Variants in LSAMP observed in about 807,000 individuals in gnomAD.
The protein encoded by LSAMP is limbic system-associated membrane protein.
In LSAMP, 7 loss-of-function variants were observed where a neutral mutation model predicts 38.6. The observed-to-expected ratio is 0.18, with a 90% CI of 0.10 to 0.34. The LOEUF is 0.34. LSAMP is among the 10% of genes least tolerant of loss of function. The probability of loss-of-function intolerance (pLI) is 1.00; values close to 1 mark genes in which losing one functional copy is unlikely to be tolerated. For missense variants in LSAMP, 313 were observed against 420.0 expected (o/e 0.75, Z 2.23); for synonymous variants, 154 against 166.8 (o/e 0.92, Z 0.59).
At chr3:116,214,659 C>A (rs554091034) in intron 1 of LSAMP, among the ~76,000 whole-genome samples, 1 of 151,966 alleles carries the variant, frequency 6.6e-6, no homozygotes, top group Admixed American at 6.6e-5. Context: ...CCCACCACCA[C>A]GCATGGCTAA....
At chr3:116,357,956 A>T (rs867954158) in intron 1 of LSAMP, among the ~76,000 whole-genome samples, 4 of 152,178 alleles carry the variant, frequency 2.6e-5, no homozygotes, top group Middle Eastern at 3.4e-3. Flanking sequence ...GGTCTTAGGA[A>T]AGTAAAACAC....
intron 1 of LSAMP, among the ~76,000 whole-genome samples, chr3:116,226,926 A>G (rs1028300763): frequency 2.6e-5 from 4 of 152,178 alleles, no homozygotes; most frequent in Non-Finnish European, 5.9e-5. Flanking sequence ...CTTTGTAACA[A>G]GGTGAAAGCT....
intron 3 of LSAMP, among the ~76,000 whole-genome samples, chr3:115,882,290 G>A (rs1299875399): frequency 1.3e-5 from 2 of 151,954 alleles, no homozygotes; most frequent in Non-Finnish European, 2.9e-5. Flanking sequence ...CTTGTACCAG[G>A]TGCTGGACTA....
intron 1 of LSAMP, among the ~76,000 whole-genome samples, chr3:116,098,601 C>T (rs1708276131): frequency 6.6e-6 from 1 of 152,060 alleles, no homozygotes; most frequent in African/African-American, 2.4e-5. Context: ...TTTGCTTTTC[C>T]ATCACACACT....
At chr3:116,058,925 G>T (rs1286756747) in intron 2 of LSAMP, among the ~76,000 whole-genome samples, 6 of 134,644 alleles carry the variant, frequency 4.5e-5, no homozygotes, top group African/African-American at 1.5e-4. Flanking sequence ...TAGTACAAGG[G>T]TTTTGTTTGT....
chr3:116,242,786 T>C (rs911922236), intron 1 of LSAMP, among the ~76,000 whole-genome samples: 5 of 151,734 alleles, frequency 3.3e-5, no homozygotes, highest in Admixed American at 1.3e-4. Context: ...CACTAAAGAT[T>C]GTCTTCTAAA....
chr3:116,428,430 C>A (rs1291005025), intron 1 of LSAMP, among the ~76,000 whole-genome samples: 1 of 152,150 alleles, frequency 6.6e-6, no homozygotes, highest in Admixed American at 6.5e-5. Context: ...TACACTCCAG[C>A]CTGGTGACAG....
At chr3:115,841,618 AAAC>A (rs1414601428) in intron 6 of LSAMP, 2 of 413,632 alleles carry the variant, frequency 4.8e-6, no homozygotes, top group Non-Finnish European at 4.2e-6. Context: ...GAAGAAAAAC[AAAC>A]AACAAGGCAG....
chr3:116,413,866 T>C (rs1317776785), intron 1 of LSAMP, among the ~76,000 whole-genome samples: 1 of 150,676 alleles, frequency 6.6e-6, no homozygotes, highest in East Asian at 2.0e-4. Flanking sequence ...GACAAGAAAG[T>C]TGAAAACAGT....
intron 1 of LSAMP, among the ~76,000 whole-genome samples, chr3:116,134,871 C>T (rs1352868814): frequency 6.6e-6 from 1 of 152,156 alleles, no homozygotes; most frequent in Non-Finnish European, 1.5e-5. Context: ...CTGCTGTGTA[C>T]ATGAATAAGA....
intron 1 of LSAMP, among the ~76,000 whole-genome samples, chr3:116,401,867 TTC>T (rs1400773933): frequency 1.3e-5 from 2 of 151,802 alleles, no homozygotes; most frequent in African/African-American, 4.8e-5. Flanking sequence ...GATTGTTATA[TTC>T]TTGAGATGAA....
intron 1 of LSAMP, among the ~76,000 whole-genome samples, chr3:116,163,467 G>A (rs1269870712): frequency 6.6e-6 from 1 of 151,328 alleles, no homozygotes; most frequent in African/African-American, 2.4e-5. Flanking sequence ...TCTTAATCCA[G>A]TCTATCATTG....
At chr3:116,334,716 A>G (rs181781637) in intron 1 of LSAMP, among the ~76,000 whole-genome samples, 6 of 152,228 alleles carry the variant, frequency 3.9e-5, no homozygotes, top group Non-Finnish European at 8.8e-5. Context: ...GGAAAAAAAG[A>G]AACACTCAAC....
At chr3:116,192,244 G>A (rs534282211) in intron 1 of LSAMP, among the ~76,000 whole-genome samples, 67 of 152,314 alleles carry the variant, frequency 4.4e-4, no homozygotes, top group Non-Finnish European at 7.9e-4. Flanking sequence ...ATCAGTGAGA[G>A]GTAGCTTGAG....
intron 1 of LSAMP, among the ~76,000 whole-genome samples, chr3:116,294,695 A>C (rs973527717): frequency 6.6e-6 from 1 of 152,340 alleles, no homozygotes; most frequent in Non-Finnish European, 1.5e-5. Context: ...AATGTTATGA[A>C]GCTAAAATTA....
At chr3:115,818,822 A>ATAT (rs55828725) in intron 6 of LSAMP, among the ~76,000 whole-genome samples, 5 of 125,198 alleles carry the variant, frequency 4.0e-5, no homozygotes, top group East Asian at 2.7e-4. Flanking sequence ...ATATATATAT[A>ATAT]ACTGCAGCAA....
intron 1 of LSAMP, among the ~76,000 whole-genome samples, chr3:116,123,657 G>C (rs1030639558): frequency 1.3e-5 from 2 of 152,072 alleles, no homozygotes; most frequent in Non-Finnish European, 2.9e-5. Context: ...AATGGATAAG[G>C]GTATCCATGA....
chr3:115,852,372 G>A, intron 4 of LSAMP, 111 bp downstream of exon 4: 1 of 1,293,818 alleles, frequency 7.7e-7, no homozygotes, highest in South Asian at 1.6e-5. Flanking sequence ...CCTGGCCAGA[G>A]GAGCATCTGC....
chr3:116,294,292 G>C (rs1332506343), intron 1 of LSAMP, among the ~76,000 whole-genome samples: 1 of 152,068 alleles, frequency 6.6e-6, no homozygotes, highest in Non-Finnish European at 1.5e-5. Context: ...GACAATGTTT[G>C]GAAAATAATA....
Sources: gnomAD v4.1 joint callset for allele counts (sites outside exome capture counted in the v4.1 genomes callset) on GRCh38, gnomAD v4.1.1 for gene constraint, MANE v1.5 for transcripts, NCBI Gene and HGNC (gene_info 2026-07-23, HGNC 2026-07-21) for gene names.